SMARCD3: variants seen among roughly 807,000 people sequenced by gnomAD.
SMARCD3 encodes the protein SWI/SNF-related matrix-associated actin-dependent regulator of chromatin subfamily D member 3.
Under a neutral mutation model 58.0 loss-of-function variants are expected in SMARCD3, and 14 were observed. That is an observed-to-expected ratio of 0.24 (90% confidence interval 0.16 to 0.38). The LOEUF is 0.38. Among genes scored for constraint, SMARCD3 ranks in the 10% least tolerant of loss-of-function variants. The pLI, the probability that SMARCD3 is intolerant of heterozygous loss-of-function variation, is 1.00. For synonymous variants in SMARCD3, 253 were observed against 253.8 expected (o/e 1.00, Z 0.03); for missense variants, 408 against 636.9 (o/e 0.64, Z 3.87).
In SMARCD3 at chr7:151,239,188, CAG is replaced by C. The variant is rs754173836; in HGVS notation, c.1399-34_1399-33del. 1.7e-5 allele frequency: 28 copies of C among 1,610,622 alleles called. No homozygotes were observed. Among genetic ancestry groups the C allele is most frequent in the African/African-American group, 1.7e-4 (13 of 74,804 alleles). On this transcript the variant is annotated intron_variant, in intron 12 of 12. Coordinates refer to ENST00000262188, the MANE Select transcript of SMARCD3 (RefSeq NM_001003801.2). This position sits in a 1 kb window ranked among gnomAD's most constrained non-coding sequence, Gnocchi z 7.0. ...AGGAAGTGAGAACAGGAGCAGGTGT[CAG>C]TGTTCTGGTGAGTGATCAGGACAAT...
chr7:151,266,882 T>C (rs961294012), intron 2 of SMARCD3, among the ~76,000 whole-genome samples: 6 of 152,194 alleles, frequency 3.9e-5, no homozygotes, highest in African/African-American at 9.6e-5. Flanking sequence ...TGGCTAACTG[T>C]TAAAATTTTT....
intron 2 of SMARCD3, among the ~76,000 whole-genome samples, chr7:151,258,173 C>A (rs1190869157): frequency 6.6e-6 from 1 of 151,896 alleles, no homozygotes; most frequent in Non-Finnish European, 1.5e-5. Context: ...CTCACCTCTC[C>A]CCGGATGCCG....
chr7:151,239,829 GGA>G lies in SMARCD3; in HGVS notation c.1174-85_1174-84del. On this transcript the variant is annotated intron_variant, in intron 10 of 12. Coordinates refer to ENST00000262188, the MANE Select transcript of SMARCD3 (RefSeq NM_001003801.2). The surrounding 1 kb of genome is among the most constrained non-coding windows in gnomAD (Gnocchi z 7.0). Reference sequence around the variant, plus strand: ...GAAAGGAAGCGGGTGGGAAGGGGAGGGAGAGGGGGTTTCTTCTGTGAAGGACA... The same window carrying G: ...GAAAGGAAGCGGGTGGGAAGGGGAGGGAGGGGGTTTCTTCTGTGAAGGACA... 5.7e-6 allele frequency: 8 copies of G among 1,399,894 alleles called. No individual in the cohort carries two copies. The South Asian group carries it at 5.9e-5, about 10-fold the overall frequency. The allele number at this position is 1,399,894 out of a possible 1,614,324, so 86.7% of individuals were successfully genotyped here.
chr7:151,272,901 AG>A (rs1795224249), intron 2 of SMARCD3, among the ~76,000 whole-genome samples: 1 of 152,168 alleles, frequency 6.6e-6, no homozygotes, highest in Non-Finnish European at 1.5e-5. Flanking sequence ...GCCACAGCTG[AG>A]GGAAGTCCAC....
rs998669918 is a variant in SMARCD3 at position 151,243,929 on chromosome 7, C to T, written c.291-228G>A. Among the ~76,000 whole-genome samples, 3 of 152,198 alleles carry T rather than the reference C, an allele frequency of 2.0e-5. No homozygotes were observed. The highest frequency in any genetic ancestry group is 7.2e-5 in the African/African-American group (3 of 41,442). ...TCTCTGGCCTGGGAGCCCCCTTCTA[C>T]CCTGCCACATCCTCAGGGACAGAGA... On this transcript the variant is annotated intron_variant, in intron 2 of 12. Transcript: ENST00000262188. The surrounding 1 kb of genome is among the most constrained non-coding windows in gnomAD (Gnocchi z 4.4).
chr7:151,262,598 C>T lies in SMARCD3; in HGVS notation c.39+12516G>A, dbSNP rs576824995. 2.7e-4 allele frequency among the ~76,000 whole-genome samples: 41 copies of T among 152,352 alleles called. No homozygotes were observed. The South Asian group carries it at 8.5e-3, about 32-fold the overall frequency. On this transcript the variant is annotated intron_variant, in intron 2 of 13. Transcript: ENST00000356800. ...TTACACCCATGACATGGCCTTTGCC[C>T]TTGAGACCTGGTGGTCATCGAGAAA...
intron 2 of SMARCD3, among the ~76,000 whole-genome samples, chr7:151,244,206 A>G (rs1354069601): frequency 1.3e-5 from 2 of 152,038 alleles, no homozygotes; most frequent in Non-Finnish European, 2.9e-5. Context: ...CACCCCTTCC[A>G]GCCACCCTGG....
At chr7:151,264,448 G>A (rs1804018220) in intron 2 of SMARCD3, among the ~76,000 whole-genome samples, 2 of 152,186 alleles carry the variant, frequency 1.3e-5, no homozygotes, top group South Asian at 4.1e-4. Flanking sequence ...TTTTGGCACA[G>A]GGTGTGGGAA....
chr7:151,239,554 G>A lies in SMARCD3; in HGVS notation c.1297-57C>T, dbSNP rs1802845848. 1.9e-6 allele frequency: 3 copies of A among 1,610,076 alleles called. No individual in the cohort carries two copies. The highest frequency in any genetic ancestry group is 2.5e-6 in the Non-Finnish European group (3 of 1,176,648). ...CTGAATCCCCTCACCTGCCCCTGGA[G>A]TACAACGTTTACTCTCTTTCCCGCT... On this transcript the variant is annotated intron_variant, in intron 11 of 12. Transcript: ENST00000262188. This position sits in a 1 kb window ranked among gnomAD's most constrained non-coding sequence, Gnocchi z 7.0.
chr7:151,245,634 TG>T lies in SMARCD3; in HGVS notation c.115del (p.Gln39ArgfsTer109). The T allele has an allele frequency of 8.6e-7, 1 of 1,156,994 alleles. No individual in the cohort carries two copies. The highest frequency in any genetic ancestry group is 1.1e-6 in the Non-Finnish European group (1 of 925,592). The allele number at this position is 1,156,994 out of a possible 1,614,324, so 71.7% of individuals were successfully genotyped here. A position where few individuals can be genotyped will look rare whatever the true frequency, so the allele number is the denominator to read the frequency against. ...GCCCGGGGGGCCCATGGGCGCCCCC[TG>T]GTGGGGCATCCGGGCTCCAGACGGC... ...GMPSGARMPH[Q>X]GAPMGPPGSP... On this transcript the variant is annotated frameshift_variant, in exon 2 of 13. Coordinates refer to ENST00000262188, the MANE Select transcript of SMARCD3 (RefSeq NM_001003801.2). LOFTEE classifies it high-confidence loss of function. This position sits in a 1 kb window ranked among gnomAD's most constrained non-coding sequence, Gnocchi z 6.2.
intron 1 of SMARCD3, chr7:151,275,263 G>C (rs886839636): frequency 1.1e-6 from 1 of 915,632 alleles, no homozygotes; most frequent in East Asian, 2.6e-5. Context: ...TGAAAGGAGA[G>C]GTCAGACCCT....
At position 151,238,847 on chromosome 7, in the gene SMARCD3, G is replaced by C; in HGVS notation, c.*256C>G. On this transcript the variant is annotated 3_prime_UTR_variant, in exon 13 of 13. Coordinates refer to ENST00000262188, the MANE Select transcript of SMARCD3 (RefSeq NM_001003801.2). ...ACTGTTTTTAGGTCTAGGGAAAATT[G>C]AGTAAGGAGAAGAATCCAAGGGAAG... The C allele has an allele frequency of 6.8e-7, 1 of 1,475,570 alleles. No individual in the cohort carries two copies. The highest frequency in any genetic ancestry group is 9.1e-7 in the Non-Finnish European group (1 of 1,093,588). The allele number at this position is 1,475,570 out of a possible 1,614,324, so 91.4% of individuals were successfully genotyped here.
chr7:151,258,066 A>C (rs1437330938), intron 2 of SMARCD3, among the ~76,000 whole-genome samples: 1 of 151,850 alleles, frequency 6.6e-6, no homozygotes, highest in Non-Finnish European at 1.5e-5. Flanking sequence ...GCCCAGGCCC[A>C]CACCTTGGAA....
At chr7:151,262,293 G>A (rs1326389534) in intron 2 of SMARCD3, among the ~76,000 whole-genome samples, 4 of 152,040 alleles carry the variant, frequency 2.6e-5, no homozygotes, top group Non-Finnish European at 5.9e-5. Flanking sequence ...CATTGCTCAG[G>A]CTGATCACCA....
chr7:151,241,757 C>G lies in SMARCD3; in HGVS notation c.778-104G>C, dbSNP rs754829459. 5.1e-5 allele frequency: 71 copies of G among 1,385,404 alleles called. No homozygotes were observed. Among genetic ancestry groups the G allele is most frequent in the South Asian group, 4.4e-4 (36 of 81,858 alleles). 85.8% of individuals were successfully genotyped at this position (1,385,404 alleles called of 1,614,324 possible). ...GGGATGTGTTGATTGAGGAAACATG[C>G]CCCTGGGGAAGGATAGGTTTGGGAG... On this transcript the variant is annotated intron_variant, in intron 7 of 12. Transcript: ENST00000262188. This position sits in a 1 kb window ranked among gnomAD's most constrained non-coding sequence, Gnocchi z 5.3.
At chr7:151,244,147 C>T (rs1803141295) in intron 2 of SMARCD3, among the ~76,000 whole-genome samples, 1 of 152,190 alleles carries the variant, frequency 6.6e-6, no homozygotes, top group Non-Finnish European at 1.5e-5. Context: ...AGACGAACTC[C>T]TTCCTATCCA....
Position 151,245,576 on chromosome 7 carries a change from G to C in SMARCD3, c.174C>G (p.Pro58=), listed in dbSNP as rs996115454. The C allele has an allele frequency of 1.4e-5, 16 of 1,165,710 alleles. No individual in the cohort carries two copies. In the African/African-American group the frequency reaches 2.2e-4, roughly 16 times the overall value. 72.2% of individuals were successfully genotyped at this position (1,165,710 alleles called of 1,614,324 possible). A position where few individuals can be genotyped will look rare whatever the true frequency, so the allele number is the denominator to read the frequency against. Residue 58 remains proline, a synonymous_variant, in exon 2 of 13, where the codon CCC becomes CCG. Transcript: ENST00000262188. The surrounding 1 kb of genome is among the most constrained non-coding windows in gnomAD (Gnocchi z 6.2). ...GCTCCATGCCCGCGGGGGCCAGGCC[G>C]GGTCGCACGGCGGGGCTGCCCATGT... ...SPYMGSPAVR[P]GLAPAGMEPA... is the part of the protein sequence containing the mutation.
intron 1 of SMARCD3, among the ~76,000 whole-genome samples, chr7:151,276,299 C>T (rs1321993226): frequency 6.8e-6 from 1 of 146,432 alleles, no homozygotes; most frequent in South Asian, 2.2e-4. Flanking sequence ...GGAGAGGATG[C>T]CAGGCAGGGG....
Position 151,248,368 on chromosome 7 carries a change from A to C in SMARCD3, c.78+117T>G, listed in dbSNP as rs2150598665. ...TCCCGCGGCCGGGCCGTGGGCCATG[A>C]CGCCCCCCACTAGAGGGGTGGGAGA... On this transcript the variant is annotated intron_variant, in intron 1 of 12. Transcript: ENST00000262188. The surrounding 1 kb of genome is among the most constrained non-coding windows in gnomAD (Gnocchi z 6.1). The C allele has an allele frequency of 3.4e-6, 3 of 875,174 alleles. No homozygotes were observed. The highest frequency in any genetic ancestry group is 3.6e-6 in the Non-Finnish European group (2 of 550,712). 54.2% of individuals were successfully genotyped at this position (875,174 alleles called of 1,614,324 possible).
Sources: allele counts gnomAD v4.1 joint callset (sites outside exome capture counted in the v4.1 genomes callset), GRCh38; gene constraint gnomAD v4.1.1; non-coding constraint Gnocchi (gnomAD v3.1); transcripts MANE v1.5; gene names NCBI Gene and HGNC (gene_info 2026-07-23, HGNC 2026-07-21).